The following PRR5 variants were observed in gnomAD, a reference collection of about 807,000 sequenced individuals.
PRR5 encodes proline rich 5, also known as proline-rich protein 5.
Under a neutral mutation model 30.6 loss-of-function variants are expected in PRR5, and 25 were observed. The ratio of observed to expected loss-of-function variants is 0.82; its 90% confidence interval spans 0.60 to 1.14. The LOEUF (loss-of-function observed/expected upper bound fraction) is 1.14. PRR5 is among the 50% of genes most tolerant of loss of function. PRR5 has a pLI of 0.00. For missense variants in PRR5, 600 were observed against 547.1 expected (o/e 1.10, Z -0.96); for synonymous variants, 286 against 247.1 (o/e 1.16, Z -1.48).
intron 2 of PRR5, among the ~76,000 whole-genome samples, chr22:44,716,314 T>C (rs780099554): frequency 2.6e-5 from 4 of 152,250 alleles, no homozygotes; most frequent in Non-Finnish European, 5.9e-5. Flanking sequence ...AGTGCTGGAA[T>C]GTTTAAGGAA....
upstream of PRR5, chr22:44,676,704 G>A (rs973610733): frequency 2.0e-5 from 3 of 152,446 alleles, no homozygotes; most frequent in Non-Finnish European, 4.4e-5. Context: ...GTGGGGCTCA[G>A]GGGCGTGTGC....
intron 1 of PRR5, among the ~76,000 whole-genome samples, chr22:44,680,852 C>T (rs982597539): frequency 2.0e-5 from 3 of 152,162 alleles, no homozygotes; most frequent in African/African-American, 7.2e-5. Context: ...AGGAAGGAGC[C>T]AAGGTGGGAT....
chr22:44,691,750 C>T lies in PRR5; in HGVS notation c.-10-10742C>T, dbSNP rs1925259499. ...GATTGCACCACTGCATTCCAGCCTGCGCGACGGGAGCAAGACTCCATCTCA... is the reference window on the plus strand; with the variant it reads ...GATTGCACCACTGCATTCCAGCCTGTGCGACGGGAGCAAGACTCCATCTCA... On this transcript the variant is annotated intron_variant, in intron 1 of 8. Transcript: ENST00000006251. The surrounding 1 kb of genome is among the most constrained non-coding windows in gnomAD (Gnocchi z 4.4). Among the ~76,000 whole-genome samples the T allele has an allele frequency of 1.3e-5, 2 of 151,776 alleles. No homozygotes were observed. Among genetic ancestry groups the T allele is most frequent in the South Asian group, 4.2e-4 (2 of 4,816 alleles).
chr22:44,714,709 T>C, intron 2 of PRR5, 38 bp downstream of exon 2: 1 of 1,610,774 alleles, frequency 6.2e-7, no homozygotes. Context: ...GGTCCTTGAG[T>C]GGCAGGGAGG....
chr22:44,729,037 G>C (rs1921404813), intron 4 of PRR5, among the ~76,000 whole-genome samples: 1 of 152,198 alleles, frequency 6.6e-6, no homozygotes, highest in Non-Finnish European at 1.5e-5. Flanking sequence ...GCAACTCCTT[G>C]GAAGCCAGAA....
intron 2 of PRR5, among the ~76,000 whole-genome samples, chr22:44,721,085 C>A (rs1929863208): frequency 1.3e-5 from 2 of 152,190 alleles, no homozygotes; most frequent in Admixed American, 6.5e-5. Flanking sequence ...TGCTCCTGAT[C>A]CCAGTTGACC....
At chr22:44,676,412 A>AAAAAAAGAAAG (rs1569060698), upstream of PRR5, among the ~76,000 whole-genome samples, 1 of 148,460 alleles carries the variant, frequency 6.7e-6, no homozygotes, top group African/African-American at 2.5e-5. Context: ...AAAAAAAAAA[A>AAAAAAAGAAAG]AAAGAAAGAA....
intron 2 of PRR5, among the ~76,000 whole-genome samples, chr22:44,717,929 G>C (rs925223761): frequency 1.8e-4 from 28 of 151,922 alleles, no homozygotes; most frequent in African/African-American, 6.5e-4. Context: ...TGGTCAGGCT[G>C]GTCTTGAACT....
At chr22:44,727,123 A>G (rs998371050) in intron 4 of PRR5, among the ~76,000 whole-genome samples, 1 of 150,496 alleles carries the variant, frequency 6.6e-6, no homozygotes, top group East Asian at 1.9e-4. Flanking sequence ...TACAGTGATG[A>G]TAAGTGATTT....
upstream of PRR5, among the ~76,000 whole-genome samples, chr22:44,701,018 G>A (rs1320907059): frequency 6.6e-6 from 1 of 152,116 alleles, no homozygotes; most frequent in Non-Finnish European, 1.5e-5. Flanking sequence ...GAGTAGCTGG[G>A]ATTACGGGCA....
chr22:44,732,523 C>A, intron 6 of PRR5, 132 bp downstream of exon 6: 1 of 1,357,902 alleles, frequency 7.4e-7, no homozygotes, highest in Non-Finnish European at 9.9e-7. Context: ...AGAGGAGAAG[C>A]CTGTCAGGGC....
intron 4 of PRR5, chr22:44,729,497 C>G (rs548195840): frequency 4.1e-6 from 4 of 985,446 alleles, no homozygotes; most frequent in Admixed American, 6.1e-5. Context: ...CACCCGGCCC[C>G]GTCCTGCCGG....
upstream of PRR5, chr22:44,702,168 A>C (rs111454492): frequency 1 from 734,818 of 735,418 alleles, 367,112 homozygotes; most frequent in Middle Eastern, 1. Flanking sequence ...CGGGGCGCCG[A>C]GACCCGCCCC....
At chr22:44,699,314 G>T (rs959424009), upstream of PRR5, among the ~76,000 whole-genome samples, 15 of 152,138 alleles carry the variant, frequency 9.9e-5, no homozygotes, top group African/African-American at 3.6e-4. Context: ...TGCCAGCCAG[G>T]CCCTGCCTGT....
intron 1 of PRR5, among the ~76,000 whole-genome samples, chr22:44,709,428 A>AGG (rs1246090137): frequency 6.6e-6 from 1 of 152,114 alleles, no homozygotes; most frequent in Non-Finnish European, 1.5e-5. Context: ...AGATGGAGGA[A>AGG]GGGGCCCCAA....
chr22:44,731,160 G>T (rs182517492), intron 4 of PRR5: 2 of 264,480 alleles, frequency 7.6e-6, no homozygotes, highest in African/African-American at 4.5e-5. Context: ...CACCTGTGTG[G>T]GTCTCACTTG....
In PRR5 at chr22:44,702,481, A is replaced by G; in HGVS notation, c.7A>G (p.Thr3Ala). The G allele has an allele frequency of 1.4e-6, 2 of 1,456,362 alleles. No homozygotes were observed. The highest frequency in any genetic ancestry group is 1.8e-6 in the Non-Finnish European group (2 of 1,100,812). 90.2% of individuals were successfully genotyped at this position (1,456,362 alleles called of 1,614,324 possible). Residue 3 changes from threonine to alanine, a missense_variant, in exon 1 of 8, where the codon ACT becomes GCT. Transcript: ENST00000336985. ...GCAGGCGGCCCGGGTCACCATGAGGACTCTCCGCAGGTTGAAGTTCATGAG... is the reference window on the plus strand; with the variant it reads ...GCAGGCGGCCCGGGTCACCATGAGGGCTCTCCGCAGGTTGAAGTTCATGAG... MR[T>A]LRRLKFMSSP...
At chr22:44,724,603 C>T (rs1184648432) in intron 2 of PRR5, among the ~76,000 whole-genome samples, 1 of 152,146 alleles carries the variant, frequency 6.6e-6, no homozygotes, top group African/African-American at 2.4e-5. Flanking sequence ...CCCATTCTCT[C>T]AGGCCCTGGA....
rs1346365576 is a variant in PRR5, at chr22:44,702,566, G to A, written c.92G>A (p.Gly31Asp). ...REPAAAADERGTQQRRACANA... is the reference protein window; with the variant it reads ...REPAAAADERDTQQRRACANA... ...CCGGCCGCCGCCGCGGACGAGCGGG[G>A]CACGCAGCAGCGCCGGGCCTGCGCC... The change falls in exon 1 of 8, where the codon GGC becomes GAC. Residue 31 changes from glycine to aspartate, a missense_variant. Coordinates refer to ENST00000336985, the MANE Select transcript of PRR5 (RefSeq NM_181333.4). 2.8e-6 allele frequency: 4 copies of A among 1,427,862 alleles called. No homozygotes were observed. The highest frequency in any genetic ancestry group is 3.1e-5 in the Admixed American group (1 of 32,042). The allele number at this position is 1,427,862 out of a possible 1,614,324, so 88.4% of individuals were successfully genotyped here.
Sources: gnomAD v4.1 joint callset for allele counts (sites outside exome capture counted in the v4.1 genomes callset) on GRCh38, gnomAD v4.1.1 for gene constraint, Gnocchi (gnomAD v3.1) non-coding constraint, MANE v1.5 for transcripts, NCBI Gene and HGNC (gene_info 2026-07-23, HGNC 2026-07-21) for gene names.